The following TTF2 variants were observed in gnomAD, a reference collection of about 807,000 sequenced individuals.
TTF2 encodes transcription termination factor 2.
A neutral mutation model predicts 142.4 loss-of-function variants in TTF2; 108 were observed. That is an observed-to-expected ratio of 0.76 (90% CI 0.65 to 0.89). TTF2 has a LOEUF of 0.89. TTF2 is among the 40% of genes least tolerant of loss of function. The pLI, the probability that TTF2 is intolerant of heterozygous loss-of-function variation, is 0.00. For synonymous variants in TTF2, 483 were observed against 506.2 expected (o/e 0.95, Z 0.61); for missense variants, 1,327 against 1,379.8 (o/e 0.96, Z 0.61).
chr1:117,100,807 T>G lies in TTF2; in HGVS notation c.3345-573T>G, dbSNP rs1649528794. On this transcript the variant is annotated intron_variant, in intron 22 of 22. Transcript: ENST00000369466. The surrounding 1 kb of genome is among the most constrained non-coding windows in gnomAD (Gnocchi z 4.6). ...CGGCACATACTTCCATTATAGCACT[T>G]ACCAGGTCATATTATTGTTTATTTT... Among the ~76,000 whole-genome samples, 1 of 152,206 alleles carries G rather than the reference T, an allele frequency of 6.6e-6. No individual in the cohort carries two copies. Among genetic ancestry groups the G allele is most frequent in the Admixed American group, 6.5e-5 (1 of 15,272 alleles).
intron 8 of TTF2, among the ~76,000 whole-genome samples, chr1:117,078,283 G>GT (rs1206435035): frequency 3.9e-5 from 6 of 152,198 alleles, no homozygotes; most frequent in Non-Finnish European, 8.8e-5. Flanking sequence ...TGTTGAGTTG[G>GT]TAGGTGCCAC....
intron 13 of TTF2, 129 bp downstream of exon 13, chr1:117,089,111 C>G: frequency 1.1e-6 from 1 of 901,516 alleles, no homozygotes. Context: ...GCCTGTCAAC[C>G]TTTAAAGGAC....
intron 2 of TTF2, among the ~76,000 whole-genome samples, chr1:117,061,464 G>A (rs1655681970): frequency 6.6e-6 from 1 of 152,114 alleles, no homozygotes; most frequent in Non-Finnish European, 1.5e-5. Context: ...AGCAAAACTT[G>A]GTAGAGAAAA....
At chr1:117,061,731 A>C (rs1001451235) in intron 2 of TTF2, among the ~76,000 whole-genome samples, 5 of 152,226 alleles carry the variant, frequency 3.3e-5, no homozygotes, top group African/African-American at 1.2e-4. Context: ...TCCCATCTAC[A>C]CAAATGCTTT....
At chr1:117,067,779 G>A (rs1203536816) in intron 3 of TTF2, among the ~76,000 whole-genome samples, 1 of 152,072 alleles carries the variant, frequency 6.6e-6, no homozygotes, top group Non-Finnish European at 1.5e-5. Flanking sequence ...CATACTCTGG[G>A]TTTTCTTTTT....
In TTF2 at chr1:117,090,733, T is replaced by C. The variant is rs893975107; in HGVS notation, c.2588+110T>C. 3.7e-5 allele frequency: 33 copies of C among 894,764 alleles called. No individual in the cohort carries two copies. Among genetic ancestry groups the C allele is most frequent in the Admixed American group, 1.8e-4 (7 of 38,814 alleles). 55.4% of individuals were successfully genotyped at this position (894,764 alleles called of 1,614,324 possible). On this transcript the variant is annotated intron_variant, in intron 15 of 22. Coordinates refer to ENST00000369466, the MANE Select transcript of TTF2 (RefSeq NM_003594.4). This position sits in a 1 kb window ranked among gnomAD's most constrained non-coding sequence, Gnocchi z 4.8. ...CAAACTTTATGGCATTATTGATTAG[T>C]TGGATGTCTGTATTCCCTTTTTTTT... is the stretch of plus-strand genomic sequence containing the variant.
At chr1:117,095,730 TAATTC>T (rs1649068886) in intron 19 of TTF2, among the ~76,000 whole-genome samples, 1 of 152,192 alleles carries the variant, frequency 6.6e-6, no homozygotes, top group African/African-American at 2.4e-5. Context: ...ATTTATAAAA[TAATTC>T]AATATAAAAA....
chr1:117,081,491 G>A (rs1157420105), intron 9 of TTF2, among the ~76,000 whole-genome samples: 1 of 152,124 alleles, frequency 6.6e-6, no homozygotes, highest in Non-Finnish European at 1.5e-5. Flanking sequence ...TTTTGCTTTT[G>A]GAGGTAAGGG....
chr1:117,092,063 T>C lies in TTF2; in HGVS notation c.2805+113T>C. ...GTCTGCTTGATCAAAGGAAATGCTG[T>C]TTCGGTTTTTCTATTTTTGTTTTTT... On this transcript the variant is annotated intron_variant, in intron 17 of 22. Transcript: ENST00000369466. The surrounding 1 kb of genome is among the most constrained non-coding windows in gnomAD (Gnocchi z 4.4). 8.3e-7 allele frequency: 1 copy of C among 1,209,708 alleles called. No homozygotes were observed. The highest frequency in any genetic ancestry group is 1.1e-6 in the Non-Finnish European group (1 of 900,550). The allele number at this position is 1,209,708 out of a possible 1,614,324, so 74.9% of individuals were successfully genotyped here. A position where few individuals can be genotyped will look rare whatever the true frequency, so the allele number is the denominator to read the frequency against.
chr1:117,066,378 A>G (rs1269129065), intron 3 of TTF2, among the ~76,000 whole-genome samples: 1 of 152,196 alleles, frequency 6.6e-6, no homozygotes. Context: ...GGGTCCAAGT[A>G]GAATGAAAAC....
chr1:117,081,426 C>G (rs1647500365), intron 9 of TTF2, among the ~76,000 whole-genome samples: 2 of 152,138 alleles, frequency 1.3e-5, no homozygotes, highest in African/African-American at 2.4e-5. Context: ...TATTTTAACT[C>G]CAGGAATGTT....
chr1:117,097,446 G>A lies in TTF2; in HGVS notation c.3269+13G>A, dbSNP rs1296190558. The A allele has an allele frequency of 6.2e-7, 1 of 1,613,992 alleles. No individual in the cohort carries two copies. The highest frequency in any genetic ancestry group is 8.5e-7 in the Non-Finnish European group (1 of 1,179,856). On this transcript the variant is annotated intron_variant, in intron 21 of 22. Transcript: ENST00000369466. The surrounding 1 kb of genome is among the most constrained non-coding windows in gnomAD (Gnocchi z 4.1). ...TGGACATGCACTGGTAATGATTCCG[G>A]ATTTGTCCTGGGTTGTCACAGCACA...
At chr1:117,077,863 G>A in intron 7 of TTF2, 53 bp from the exon 8 acceptor site, 1 of 1,607,966 alleles carries the variant, frequency 6.2e-7, no homozygotes, top group Non-Finnish European at 8.5e-7. Flanking sequence ...ACTCTAAAGG[G>A]ATAAAGAAAA....
In TTF2 at chr1:117,099,512, G is replaced by T. The variant is rs1649416024; in HGVS notation, c.3344+605G>T. On this transcript the variant is annotated intron_variant, in intron 22 of 22. Coordinates refer to ENST00000369466, the MANE Select transcript of TTF2 (RefSeq NM_003594.4). This position sits in a 1 kb window ranked among gnomAD's most constrained non-coding sequence, Gnocchi z 4.3. The stretch of plus-strand genomic sequence containing the variant: ...GAATCCCAGATCCTGGTAGCACGCA[G>T]TTTTCATAAGTTTGTCTCCTTTGAT... Among the ~76,000 whole-genome samples, 1 of 152,162 alleles carries T rather than the reference G, an allele frequency of 6.6e-6. No homozygotes were observed.
intron 3 of TTF2, among the ~76,000 whole-genome samples, chr1:117,072,953 G>C (rs1241951466): frequency 6.6e-6 from 1 of 152,084 alleles, no homozygotes; most frequent in East Asian, 1.9e-4. Context: ...CATATTTTCA[G>C]TGGACTCATA....
At chr1:117,096,925 A>G (rs1172736092) in intron 20 of TTF2, among the ~76,000 whole-genome samples, 1 of 152,194 alleles carries the variant, frequency 6.6e-6, no homozygotes, top group African/African-American at 2.4e-5. Context: ...AGGAAATGAA[A>G]GAACACAGGC....
At chr1:117,095,617 G>A (rs773926322) in intron 19 of TTF2, among the ~76,000 whole-genome samples, 4 of 152,208 alleles carry the variant, frequency 2.6e-5, no homozygotes, top group African/African-American at 4.8e-5. Flanking sequence ...AGAAAAGCAA[G>A]CGAGTGAGGA....
rs3754104 is a variant in TTF2, at chr1:117,100,373, C to A, written c.3345-1007C>A. 5.9e-5 allele frequency among the ~76,000 whole-genome samples: 9 copies of A among 151,968 alleles called. No individual in the cohort carries two copies. Among genetic ancestry groups the A allele is most frequent in the Non-Finnish European group, 1.0e-4 (7 of 67,994 alleles). On this transcript the variant is annotated intron_variant, in intron 22 of 22. Coordinates refer to ENST00000369466, the MANE Select transcript of TTF2 (RefSeq NM_003594.4). The surrounding 1 kb of genome is among the most constrained non-coding windows in gnomAD (Gnocchi z 4.6). ...TTCCCATGCCCACTGCCAGGTCCCC[C>A]CTTCCCACTCTGCTGAATCCTGTTC...
chr1:117,081,813 G>C lies in TTF2; in HGVS notation c.1784-15G>C, dbSNP rs753193998. ...CTAAGCAATTAACTCTCTTAATTTTGCTTTTATTTTCTAGCAGATGATATG... is the reference window on the plus strand; with the variant it reads ...CTAAGCAATTAACTCTCTTAATTTTCCTTTTATTTTCTAGCAGATGATATG... On this transcript the variant is annotated splice_polypyrimidine_tract_variant and intron_variant, in intron 9 of 22. Transcript: ENST00000369466. 6.2e-7 allele frequency: 1 copy of C among 1,609,486 alleles called. No individual in the cohort carries two copies. Among genetic ancestry groups the C allele is most frequent in the Non-Finnish European group, 8.5e-7 (1 of 1,178,194 alleles).
Sources: allele counts gnomAD v4.1 joint callset (sites outside exome capture counted in the v4.1 genomes callset), GRCh38; gene constraint gnomAD v4.1.1; non-coding constraint Gnocchi (gnomAD v3.1); transcripts MANE v1.5; gene names NCBI Gene and HGNC (gene_info 2026-07-23, HGNC 2026-07-21).